The following AGBL4 variants were observed in gnomAD, a reference collection of about 807,000 sequenced individuals.
The protein encoded by AGBL4 is cytosolic carboxypeptidase 6.
AGBL4 carries 58 observed loss-of-function variants against 66.4 expected under a neutral mutation model. The observed-to-expected ratio is 0.87, with a 90% CI of 0.71 to 1.09. The LOEUF is 1.09. Among genes scored for constraint, AGBL4 ranks in the 50% least tolerant of loss-of-function variants. AGBL4 has a pLI of 0.00. For synonymous variants in AGBL4, 234 were observed against 222.9 expected (o/e 1.05, Z -0.44); for missense variants, 579 against 631.0 (o/e 0.92, Z 0.88).
chr1:48,669,277 G>A (rs1646239105), intron 6 of AGBL4, among the ~76,000 whole-genome samples: 1 of 152,196 alleles, frequency 6.6e-6, no homozygotes, highest in African/African-American at 2.4e-5. Flanking sequence ...CCTGCCACAT[G>A]GCTTCACCTA....
intron 3 of AGBL4, among the ~76,000 whole-genome samples, chr1:49,291,974 G>A (rs1454972465): frequency 6.6e-6 from 1 of 152,234 alleles, no homozygotes; most frequent in Admixed American, 6.5e-5. Context: ...AGCTGCAGCT[G>A]CTCAAACCGT....
chr1:49,597,396 C>G (rs1007024024), intron 3 of AGBL4, among the ~76,000 whole-genome samples: 2 of 152,134 alleles, frequency 1.3e-5, no homozygotes, highest in African/African-American at 4.8e-5. Flanking sequence ...AAATGGGGTC[C>G]TAACTAAGTT....
At chr1:49,641,834 TATTTA>T (rs1393535926) in intron 3 of AGBL4, among the ~76,000 whole-genome samples, 10 of 152,184 alleles carry the variant, frequency 6.6e-5, no homozygotes, top group Admixed American at 5.9e-4. Flanking sequence ...TTAAAAGCAT[TATTTA>T]ATTTAACACT....
intron 3 of AGBL4, among the ~76,000 whole-genome samples, chr1:49,654,875 C>A (rs1326910424): frequency 1.3e-5 from 2 of 152,088 alleles, no homozygotes. Context: ...ACTCTTTATC[C>A]AATTTGCCAG....
chr1:49,772,520 T>C (rs578219365), intron 2 of AGBL4, among the ~76,000 whole-genome samples: 106 of 152,326 alleles, frequency 7.0e-4, no homozygotes, highest in African/African-American at 2.5e-3. Flanking sequence ...TGCGTAGCCC[T>C]ACTTTAAGTA....
At chr1:49,917,228 C>CA (rs1398468953) in intron 1 of AGBL4, among the ~76,000 whole-genome samples, 5 of 152,180 alleles carry the variant, frequency 3.3e-5, no homozygotes, top group Non-Finnish European at 2.9e-5. Flanking sequence ...CAAATTCACA[C>CA]ATAACAATAT....
intron 11 of AGBL4, among the ~76,000 whole-genome samples, chr1:48,576,352 T>C (rs569030621): frequency 7.4e-4 from 113 of 152,310 alleles, no homozygotes; most frequent in Non-Finnish European, 1.2e-3. Context: ...CCCTGGTCCA[T>C]TGAAAATTTT....
chr1:49,759,634 T>C (rs1170966808), intron 2 of AGBL4, among the ~76,000 whole-genome samples: 1 of 152,172 alleles, frequency 6.6e-6, no homozygotes, highest in African/African-American at 2.4e-5. Flanking sequence ...TGGGAGTAGG[T>C]ATACATAAAA....
At chr1:49,798,073 A>G (rs373026619) in intron 2 of AGBL4, among the ~76,000 whole-genome samples, 1 of 152,020 alleles carries the variant, frequency 6.6e-6, no homozygotes, top group African/African-American at 2.4e-5. Flanking sequence ...AAAAGTATGT[A>G]CCTCTCTTCT....
chr1:48,663,668 C>T (rs1646142444), intron 6 of AGBL4, among the ~76,000 whole-genome samples: 1 of 152,088 alleles, frequency 6.6e-6, no homozygotes. Context: ...ATTAAACAGG[C>T]TTACACATTG....
At chr1:49,508,848 A>T (rs1401390504) in intron 3 of AGBL4, among the ~76,000 whole-genome samples, 2 of 151,962 alleles carry the variant, frequency 1.3e-5, no homozygotes, top group Admixed American at 1.3e-4. Context: ...GGATTATAGC[A>T]TTGATTACAG....
At position 48,809,717 on chromosome 1, in the gene AGBL4, C is replaced by T. The variant is rs965256353; in HGVS notation, c.634+57474G>A. Among the ~76,000 whole-genome samples the T allele has an allele frequency of 3.9e-5, 6 of 152,294 alleles. No individual in the cohort carries two copies. In the South Asian group the frequency reaches 6.2e-4, roughly 16 times the overall value. Reference sequence around the variant, plus strand: ...TCCAGGTCTGGGGAAACATCAGTTACACACTCTGCTTAAACTCTAAATTAC... The same window carrying T: ...TCCAGGTCTGGGGAAACATCAGTTATACACTCTGCTTAAACTCTAAATTAC... On this transcript the variant is annotated intron_variant, in intron 6 of 13. Coordinates refer to ENST00000371839, the MANE Select transcript of AGBL4 (RefSeq NM_032785.4).
chr1:49,197,453 A>C (rs1006610627), intron 4 of AGBL4, among the ~76,000 whole-genome samples: 1 of 152,164 alleles, frequency 6.6e-6, no homozygotes, highest in Non-Finnish European at 1.5e-5. Context: ...TGCAGTTAAG[A>C]GTTTGTTACA....
chr1:49,858,873 T>C (rs116651347), intron 1 of AGBL4, among the ~76,000 whole-genome samples: 2 of 151,994 alleles, frequency 1.3e-5, no homozygotes, highest in African/African-American at 4.8e-5. Context: ...AAAATTAGCA[T>C]GGTGTGGTGG....
At chr1:48,822,177 C>A (rs1646330447) in intron 6 of AGBL4, among the ~76,000 whole-genome samples, 1 of 152,144 alleles carries the variant, frequency 6.6e-6, no homozygotes. Context: ...CAATTATATT[C>A]CTGGCTACTT....
chr1:49,845,314 G>A, intron 2 of AGBL4: 1 of 1,536,568 alleles, frequency 6.5e-7, no homozygotes, highest in Admixed American at 1.7e-5. Context: ...AACTCACACA[G>A]GCGAGAAACC....
At chr1:49,560,287 T>C (rs1453829032) in intron 3 of AGBL4, among the ~76,000 whole-genome samples, 1 of 152,028 alleles carries the variant, frequency 6.6e-6, no homozygotes, top group Admixed American at 6.6e-5. Flanking sequence ...AGAGATAATT[T>C]GAAAAGAATC....
intron 6 of AGBL4, among the ~76,000 whole-genome samples, chr1:48,687,644 T>C (rs1386990553): frequency 6.6e-6 from 1 of 152,232 alleles, no homozygotes; most frequent in East Asian, 1.9e-4. Flanking sequence ...CCAGCAGCTG[T>C]ATGACCTTGA....
chr1:49,070,909 C>T (rs926795143), intron 4 of AGBL4, among the ~76,000 whole-genome samples: 6 of 151,940 alleles, frequency 3.9e-5, no homozygotes, highest in African/African-American at 7.3e-5. Context: ...TAATTATTGC[C>T]TCAATTTCAG....
Sources: allele counts gnomAD v4.1 joint callset (sites outside exome capture counted in the v4.1 genomes callset), GRCh38; gene constraint gnomAD v4.1.1; transcripts MANE v1.5; gene names NCBI Gene and HGNC (gene_info 2026-07-23, HGNC 2026-07-21).